APELA: variants seen among roughly 807,000 people sequenced by gnomAD.
APELA encodes apelin receptor early endogenous ligand.
chr4:164,881,510 T>C (rs555383036), intron 2 of APELA, among the ~76,000 whole-genome samples: 3 of 149,318 alleles, frequency 2.0e-5, no homozygotes, highest in African/African-American at 7.5e-5. Context: ...GAAAATTACA[T>C]GCTGTATGCC....
chr4:164,880,373 T>G (rs967162846), intron 2 of APELA, among the ~76,000 whole-genome samples: 3 of 152,220 alleles, frequency 2.0e-5, no homozygotes, highest in Non-Finnish European at 2.9e-5. Context: ...CTGTAACAAA[T>G]TAATCTTTGT....
intron 1 of APELA, among the ~76,000 whole-genome samples, chr4:164,878,187 G>GAA (rs1560855968): frequency 1.2e-4 from 11 of 92,480 alleles, no homozygotes; most frequent in African/African-American, 4.6e-4. Context: ...AAGAAAGAAA[G>GAA]AAACAGAAAA....
intron 2 of APELA, among the ~76,000 whole-genome samples, chr4:164,881,081 C>T (rs981306426): frequency 2.0e-5 from 3 of 152,202 alleles, no homozygotes; most frequent in African/African-American, 7.2e-5. Context: ...TCAACCAGCA[C>T]TATAATAACA....
intron 2 of APELA, among the ~76,000 whole-genome samples, chr4:164,881,622 G>A (rs56396348): frequency 0.02 from 3,048 of 152,016 alleles, 92 homozygotes; most frequent in African/African-American, 0.069. Context: ...GTCAGGAAAT[G>A]CAAGTCTACA....
At position 164,896,320 on chromosome 4, in the gene APELA, C is replaced by T. The variant is rs955297059; in HGVS notation, c.*906C>T. On this transcript the variant is annotated 3_prime_UTR_variant, in exon 3 of 3. Transcript: ENST00000507152. The stretch of plus-strand genomic sequence containing the variant: ...CCCTGTTGCCCAGGCTGGTCTTGAA[C>T]TCAGGCTGGAACCATTCATTTTTTA... 2.6e-5 allele frequency: 4 copies of T among 152,200 alleles called. No homozygotes were observed. The highest frequency in any genetic ancestry group is 9.7e-5 in the African/African-American group (4 of 41,444). The allele number at this position is 152,200 out of a possible 1,614,324, so 9.4% of individuals were successfully genotyped here. A position where few individuals can be genotyped will look rare whatever the true frequency, so the allele number is the denominator to read the frequency against.
intron 2 of APELA, among the ~76,000 whole-genome samples, chr4:164,883,746 A>G (rs533154036): frequency 1.3e-5 from 2 of 151,874 alleles, no homozygotes; most frequent in African/African-American, 2.4e-5. Context: ...TTGGCCTCCC[A>G]AAGTGCTGGG....
intron 2 of APELA, among the ~76,000 whole-genome samples, chr4:164,894,766 T>C (rs1017853143): frequency 6.6e-6 from 1 of 152,188 alleles, no homozygotes; most frequent in Non-Finnish European, 1.5e-5. Flanking sequence ...TAAACTTCTG[T>C]GCTGAAGCCT....
chr4:164,893,996 A>G (rs1433815153), intron 2 of APELA, among the ~76,000 whole-genome samples: 1 of 152,130 alleles, frequency 6.6e-6, no homozygotes, highest in African/African-American at 2.4e-5. Flanking sequence ...AGAAAAAATA[A>G]GAATATTGTG....
chr4:164,897,246 G>C lies in APELA; in HGVS notation c.*1832G>C, dbSNP rs537232537. 7 of 152,322 alleles carry C rather than the reference G, an allele frequency of 4.6e-5. No individual in the cohort carries two copies. The South Asian group carries it at 1.4e-3, about 32-fold the overall frequency. 9.4% of individuals were successfully genotyped at this position (152,322 alleles called of 1,614,324 possible). On this transcript the variant is annotated 3_prime_UTR_variant, in exon 3 of 3. Coordinates refer to ENST00000507152, the MANE Select transcript of APELA (RefSeq NM_001297550.2). ...GTCTTCCTGTCAAAGCTTATTAAAA[G>C]TGTCTTTGCGGATGAATGGTACTTT... is the stretch of plus-strand genomic sequence containing the variant.
chr4:164,896,458 A>G lies in APELA; in HGVS notation c.*1044A>G, dbSNP rs1419183046. The G allele has an allele frequency of 2.0e-5, 3 of 151,988 alleles. No homozygotes were observed. The highest frequency in any genetic ancestry group is 2.9e-5 in the Non-Finnish European group (2 of 68,008). The allele number at this position is 151,988 out of a possible 1,614,324, so 9.4% of individuals were successfully genotyped here. On this transcript the variant is annotated 3_prime_UTR_variant, in exon 3 of 3. Transcript: ENST00000507152. ...TCTTTAAAAGTCTTACTTAAAGTTGACATCTAAAATACAGTTATGCCAATG... is the reference window on the plus strand; with the variant it reads ...TCTTTAAAAGTCTTACTTAAAGTTGGCATCTAAAATACAGTTATGCCAATG...
chr4:164,879,571 A>G (rs921120955), intron 2 of APELA, among the ~76,000 whole-genome samples: 1 of 152,126 alleles, frequency 6.6e-6, no homozygotes, highest in Non-Finnish European at 1.5e-5. Context: ...CAGCCCCCCA[A>G]GTAGCTGGGA....
At chr4:164,884,551 T>C (rs1350459291) in intron 2 of APELA, among the ~76,000 whole-genome samples, 2 of 152,200 alleles carry the variant, frequency 1.3e-5, no homozygotes, top group Non-Finnish European at 2.9e-5. Flanking sequence ...TACCTTATTC[T>C]TTCCCCCTTG....
At chr4:164,880,477 T>A (rs1293716372) in intron 2 of APELA, among the ~76,000 whole-genome samples, 1 of 152,202 alleles carries the variant, frequency 6.6e-6, no homozygotes, top group Admixed American at 6.5e-5. Flanking sequence ...GAAACATGCT[T>A]TAAAAAGATT....
At chr4:164,884,162 G>A (rs1473985497) in intron 2 of APELA, among the ~76,000 whole-genome samples, 19 of 115,934 alleles carry the variant, frequency 1.6e-4, no homozygotes, top group African/African-American at 6.4e-4. Context: ...AAAGAAAGGA[G>A]AAGAGAAAGA....
At chr4:164,886,533 G>A (rs1730773741) in intron 2 of APELA, among the ~76,000 whole-genome samples, 1 of 152,046 alleles carries the variant, frequency 6.6e-6, no homozygotes, top group Admixed American at 6.6e-5. Context: ...TATAGTTCCA[G>A]CTACTCAGGA....
intron 2 of APELA, among the ~76,000 whole-genome samples, chr4:164,891,486 G>C (rs1339808300): frequency 1.3e-5 from 2 of 152,090 alleles, no homozygotes; most frequent in Non-Finnish European, 2.9e-5. Flanking sequence ...TGCTTTTGTA[G>C]TATTCAGAGT....
At chr4:164,888,129 T>C (rs1290605597) in intron 2 of APELA, among the ~76,000 whole-genome samples, 1 of 152,218 alleles carries the variant, frequency 6.6e-6, no homozygotes, top group East Asian at 1.9e-4. Context: ...TGCTCTGTTT[T>C]ATCCATTCCT....
Position 164,886,807 on chromosome 4 carries a change from G to GTTTTC in APELA, c.*1+7818_*1+7822dup, listed in dbSNP as rs1278507659. 1.2e-4 allele frequency among the ~76,000 whole-genome samples: 18 copies of GTTTTC among 151,398 alleles called. No individual in the cohort carries two copies. In the South Asian group the frequency reaches 2.1e-3, roughly 18 times the overall value. The stretch of plus-strand genomic sequence containing the variant: ...GTATACAATGTTCTAGAGTTTCAAA[G>GTTTTC]TTTTCTTTTCTTTTCTTTTCTTTTT... On this transcript the variant is annotated intron_variant, in intron 2 of 2. Coordinates refer to ENST00000507152, the MANE Select transcript of APELA (RefSeq NM_001297550.2).
At chr4:164,888,972 AGT>A (rs1342242042) in intron 2 of APELA, among the ~76,000 whole-genome samples, 2 of 146,036 alleles carry the variant, frequency 1.4e-5, no homozygotes, top group African/African-American at 5.2e-5. Context: ...TTCTCTTGAG[AGT>A]GTGTGTGTGT....
Sources: gnomAD v4.1 joint callset for allele counts (sites outside exome capture counted in the v4.1 genomes callset) on GRCh38, gnomAD v4.1.1 for gene constraint, MANE v1.5 for transcripts, NCBI Gene and HGNC (gene_info 2026-07-23, HGNC 2026-07-21) for gene names.